The following AFF2 variants were observed in gnomAD, a reference collection of about 807,000 sequenced individuals.
The protein encoded by AFF2 is ALF transcription elongation factor 2, also known as AF4/FMR2 family member 2.
Under a neutral mutation model 76.9 loss-of-function variants are expected in AFF2, and 14 were observed. The ratio of observed to expected loss-of-function variants is 0.18; its 90% CI spans 0.12 to 0.28. The LOEUF is 0.28. AFF2 is among the 10% of genes least tolerant of loss of function. AFF2 has a pLI of 1.00. For synonymous variants in AFF2, 398 were observed against 366.7 expected, an observed-to-expected ratio of 1.09 and a Z score of -0.98; for missense variants, 868 against 1,001.1, an observed-to-expected ratio of 0.87 and a Z score of 1.79.
At chrX:148,830,737 T>C (rs782078988) in intron 4 of AFF2, among the ~76,000 whole-genome samples, 63 of 111,597 alleles carry the variant, frequency 5.6e-4, no homozygotes, top group Non-Finnish European at 8.9e-4. Context: ...CAGGGCGAGA[T>C]CACAGGACCA....
intron 1 of AFF2, among the ~76,000 whole-genome samples, chrX:148,594,466 C>T (rs1569551891): frequency 9.0e-6 from 1 of 110,606 alleles, no homozygotes; most frequent in Non-Finnish European, 1.9e-5. Context: ...TGATCACATG[C>T]CTCTAATTTA....
intron 3 of AFF2, among the ~76,000 whole-genome samples, chrX:148,744,054 A>G (rs1308581661): frequency 2.7e-5 from 3 of 111,129 alleles, no homozygotes; most frequent in Non-Finnish European, 5.7e-5. Context: ...TCATATCTCT[A>G]ATTTTTTACG....
chrX:148,586,691 A>G (rs2053473066), intron 1 of AFF2, among the ~76,000 whole-genome samples: 1 of 112,054 alleles, frequency 8.9e-6, no homozygotes, highest in African/African-American at 3.2e-5. Context: ...TACATATTTC[A>G]TTGGTGACCA....
chrX:148,775,339 T>A (rs1386977853), intron 3 of AFF2, among the ~76,000 whole-genome samples: 2 of 111,938 alleles, frequency 1.8e-5, no homozygotes, highest in Non-Finnish European at 3.8e-5. Flanking sequence ...TGGCATGCAC[T>A]TTGCCTTCTT....
intron 2 of AFF2, among the ~76,000 whole-genome samples, chrX:148,653,066 T>G (rs2054217513): frequency 9.0e-6 from 1 of 111,262 alleles, no homozygotes; most frequent in Admixed American, 9.5e-5. Flanking sequence ...GAGAGTAAGC[T>G]ATTTGGATTG....
At chrX:148,815,717 G>C (rs1444232060) in intron 4 of AFF2, among the ~76,000 whole-genome samples, 2 of 111,207 alleles carry the variant, frequency 1.8e-5, no homozygotes, top group African/African-American at 6.5e-5. Context: ...GTAATGAGGT[G>C]ACTGGGCCAG....
At chrX:148,983,965 A>AAAAAAAAAAAAAAAAAAAAAAAC (rs1438744109) in intron 19 of AFF2, among the ~76,000 whole-genome samples, 2 of 99,796 alleles carry the variant, frequency 2.0e-5, no homozygotes, top group African/African-American at 7.7e-5. Flanking sequence ...AAAAAAAAAA[A>AAAAAAAAAAAAAAAAAAAAAAAC]AAACTGCCCT....
At chrX:148,814,869 G>T (rs1375545264) in intron 4 of AFF2, among the ~76,000 whole-genome samples, 1 of 111,453 alleles carries the variant, frequency 9.0e-6, no homozygotes, top group Non-Finnish European at 1.9e-5. Context: ...GAACAAAATT[G>T]GTCGGACAAT....
intron 4 of AFF2, among the ~76,000 whole-genome samples, chrX:148,831,897 C>G (rs2070458583): frequency 8.9e-6 from 1 of 112,069 alleles, no homozygotes; most frequent in Non-Finnish European, 1.9e-5. Context: ...AAGTCATTAA[C>G]ACCTCCTCTA....
At chrX:148,810,010 G>A (rs782544787) in intron 4 of AFF2, 90 bp downstream of exon 4, 1 of 897,088 alleles carries the variant, frequency 1.1e-6, no homozygotes, top group African/African-American at 2.0e-5. Context: ...CTGTTTCAAG[G>A]AGTTTCATGA....
chrX:148,774,541 T>C (rs182670559), intron 3 of AFF2, among the ~76,000 whole-genome samples: 138 of 111,554 alleles, frequency 1.2e-3, no homozygotes, highest in African/African-American at 3.7e-3. Context: ...CATTCCTCTC[T>C]TATTTATCAG....
intron 8 of AFF2, among the ~76,000 whole-genome samples, chrX:148,895,660 T>C (rs2071276379): frequency 9.2e-6 from 1 of 108,560 alleles, no homozygotes; most frequent in African/African-American, 3.4e-5. Context: ...CAAATAGAAA[T>C]TCTGTGCATT....
At chrX:148,761,341 G>C (rs1042974337) in intron 3 of AFF2, among the ~76,000 whole-genome samples, 3 of 110,850 alleles carry the variant, frequency 2.7e-5, no homozygotes, top group African/African-American at 9.9e-5. Flanking sequence ...AGAATAGTTG[G>C]GGGGAAAAGT....
At position 148,570,433 on chromosome X, in the gene AFF2, G is replaced by A. The variant is rs530095231; in HGVS notation, c.47+69289G>A. ...ATAACATTTAGTAAAGTAGAAATAC[G>A]CATCTTCGTAGAAGAAATGTGGAAT... is the stretch of plus-strand genomic sequence containing the variant. On this transcript the variant is annotated intron_variant, in intron 1 of 20. Transcript: ENST00000370460. Among the ~76,000 whole-genome samples the A allele has an allele frequency of 1.6e-4, 18 of 111,907 alleles. 1 individual carries two copies. In the East Asian group the frequency reaches 2.5e-3, roughly 16 times the overall value.
chrX:148,804,226 A>G (rs2070097539), intron 3 of AFF2, among the ~76,000 whole-genome samples: 1 of 111,813 alleles, frequency 8.9e-6, no homozygotes, highest in Admixed American at 9.5e-5. Flanking sequence ...TTTCTTACAT[A>G]GGTAGGGATA....
At chrX:148,989,740 T>C in intron 20 of AFF2, among the ~76,000 whole-genome samples, 1 of 112,252 alleles carries the variant, frequency 8.9e-6, no homozygotes, top group Middle Eastern at 4.6e-3. Context: ...ATGGGTGAAG[T>C]TGGTTCTCCC....
chrX:148,817,240 G>A (rs375860764), intron 4 of AFF2, among the ~76,000 whole-genome samples: 20 of 110,958 alleles, frequency 1.8e-4, no homozygotes, highest in African/African-American at 5.2e-4. Context: ...GTTACTTAAC[G>A]CCATCAAGAA....
chrX:148,641,328 G>A (rs1458023606), intron 1 of AFF2, among the ~76,000 whole-genome samples: 1 of 111,682 alleles, frequency 9.0e-6, no homozygotes, highest in East Asian at 2.8e-4. Context: ...CACTGAGCTT[G>A]GCATGTTTCC....
chrX:148,555,521 C>T (rs782267060), intron 1 of AFF2, among the ~76,000 whole-genome samples: 7 of 112,014 alleles, frequency 6.2e-5, no homozygotes, highest in Admixed American at 5.7e-4. Context: ...GGCCAGTTTC[C>T]GCCACCTTTT....
Sources: gnomAD v4.1 joint callset for allele counts (sites outside exome capture counted in the v4.1 genomes callset) on GRCh38, gnomAD v4.1.1 for gene constraint, MANE v1.5 for transcripts, NCBI Gene and HGNC (gene_info 2026-07-23, HGNC 2026-07-21) for gene names.